The following ATP2B2 variants were observed in gnomAD, a reference collection of about 807,000 sequenced individuals.
ATP2B2 encodes ATPase plasma membrane Ca2+ transporting 2.
A neutral mutation model predicts 120.0 loss-of-function variants in ATP2B2; 15 were observed. The observed-to-expected ratio is 0.12, with a 90% CI of 0.08 to 0.19. ATP2B2 has a LOEUF of 0.19. Ranked by LOEUF, ATP2B2 falls within the 10% of genes least tolerant of loss-of-function variation. ATP2B2 has a pLI of 1.00. For missense variants in ATP2B2, 1,045 were observed against 1,719.8 expected (o/e 0.61, Z 6.94); for synonymous variants, 694 against 700.3 (o/e 0.99, Z 0.14).
In ATP2B2 at chr3:10,702,454, A is replaced by AT; in HGVS notation, c.-460+5460_-460+5461insA. On this transcript the variant is annotated intron_variant, in intron 1 of 21. Coordinates refer to the ATP2B2 transcript ENST00000646379. ...ATCGCTTTTATAGATGAGGAAACTG[A>AT]GACAGACAGAGCTGAAGCCACTTAC... is the stretch of plus-strand genomic sequence containing the variant. Among the ~76,000 whole-genome samples the AT allele has an allele frequency of 2.0e-5, 3 of 152,336 alleles. No homozygotes were observed. In the South Asian group the frequency reaches 6.2e-4, roughly 32 times the overall value.
chr3:10,616,190 C>T (rs545225548), intron 2 of ATP2B2, among the ~76,000 whole-genome samples: 3 of 152,160 alleles, frequency 2.0e-5, no homozygotes, highest in Non-Finnish European at 2.9e-5. Flanking sequence ...AATCCTAACA[C>T]CTGCCACTTC....
chr3:10,373,931 G>A (rs748496111), intron 11 of ATP2B2, among the ~76,000 whole-genome samples: 6 of 152,118 alleles, frequency 3.9e-5, no homozygotes, highest in Non-Finnish European at 8.8e-5. Context: ...TTTTTGGGCA[G>A]TGCTGATCTA....
chr3:10,373,464 C>T (rs141752827), intron 11 of ATP2B2, among the ~76,000 whole-genome samples: 1 of 152,220 alleles, frequency 6.6e-6, no homozygotes, highest in Non-Finnish European at 1.5e-5. Context: ...GTGACTACAC[C>T]TATAGGGTAC....
intron 2 of ATP2B2, among the ~76,000 whole-genome samples, chr3:10,442,714 C>G (rs2063710463): frequency 6.6e-6 from 1 of 152,146 alleles, no homozygotes; most frequent in Non-Finnish European, 1.5e-5. Context: ...GCCCATTGAT[C>G]TACCAAACAA....
chr3:10,388,217 A>C (rs903286898), intron 6 of ATP2B2, 60 bp downstream of exon 6: 3 of 1,608,708 alleles, frequency 1.9e-6, no homozygotes, highest in Non-Finnish European at 2.5e-6. Flanking sequence ...GAACAAATAA[A>C]CAAAAAAAAA....
intron 5 of ATP2B2, among the ~76,000 whole-genome samples, chr3:10,390,059 C>G (rs1397559371): frequency 1.3e-5 from 2 of 152,090 alleles, no homozygotes; most frequent in African/African-American, 4.8e-5. Context: ...GTATATGATG[C>G]AGGACACACT....
intron 2 of ATP2B2, among the ~76,000 whole-genome samples, chr3:10,610,888 G>A (rs921239511): frequency 2.0e-5 from 3 of 152,196 alleles, no homozygotes; most frequent in African/African-American, 7.2e-5. Flanking sequence ...CCAAGAGACT[G>A]TGTCAAGCCC....
At chr3:10,355,382 A>G (rs972745969) in intron 14 of ATP2B2, among the ~76,000 whole-genome samples, 2 of 152,088 alleles carry the variant, frequency 1.3e-5, no homozygotes, top group African/African-American at 4.8e-5. Flanking sequence ...TCCTATATAG[A>G]CATCCCAGGG....
At chr3:10,338,415 T>A in intron 21 of ATP2B2, 57 bp from the exon 22 acceptor site, 1 of 1,593,970 alleles carries the variant, frequency 6.3e-7, no homozygotes, top group East Asian at 2.2e-5. Flanking sequence ...TGGCCTTCTC[T>A]CCCTGACACC....
intron 12 of ATP2B2, among the ~76,000 whole-genome samples, 182 bp downstream of exon 12, chr3:10,371,623 CACAA>C (rs1009794637): frequency 6.6e-6 from 1 of 152,228 alleles, no homozygotes; most frequent in Non-Finnish European, 1.5e-5. Flanking sequence ...TTCTTTGTCA[CACAA>C]ACATTGTAGC....
chr3:10,487,969 C>T (rs2065758866), intron 1 of ATP2B2, among the ~76,000 whole-genome samples: 1 of 152,162 alleles, frequency 6.6e-6, no homozygotes, highest in South Asian at 2.1e-4. Flanking sequence ...ATATACATAT[C>T]TTCCTGCCCA....
At chr3:10,428,084 C>T (rs1430710439) in intron 2 of ATP2B2, among the ~76,000 whole-genome samples, 1 of 152,246 alleles carries the variant, frequency 6.6e-6, no homozygotes, top group African/African-American at 2.4e-5. Flanking sequence ...CATCCATTTG[C>T]CTTGATGCTG....
chr3:10,683,760 G>GTGTGTGTGTGTGTATATATA (rs1446781892), intron 1 of ATP2B2, among the ~76,000 whole-genome samples: 2 of 53,914 alleles, frequency 3.7e-5, no homozygotes, highest in East Asian at 9.6e-4. Context: ...GTGTGTGTGT[G>GTGTGTGTGTGTGTATATATA]TATATATATA....
chr3:10,539,045 A>G (rs2125491208), intron 2 of ATP2B2, among the ~76,000 whole-genome samples: 1 of 152,344 alleles, frequency 6.6e-6, no homozygotes, highest in Non-Finnish European at 1.5e-5. Context: ...ATACAAAATC[A>G]ATGTGCAAAA....
At chr3:10,562,631 C>G (rs1179695250) in intron 2 of ATP2B2, among the ~76,000 whole-genome samples, 2 of 152,178 alleles carry the variant, frequency 1.3e-5, no homozygotes, top group East Asian at 3.9e-4. Flanking sequence ...CCCAAACAGT[C>G]TTTTTCCTTC....
At chr3:10,493,985 T>A (rs901165082) in intron 1 of ATP2B2, among the ~76,000 whole-genome samples, 7 of 152,092 alleles carry the variant, frequency 4.6e-5, no homozygotes, top group Admixed American at 4.6e-4. Context: ...AAAAGCGGCA[T>A]GAAGGTGAAG....
At chr3:10,581,743 A>G (rs749701341) in intron 2 of ATP2B2, among the ~76,000 whole-genome samples, 10 of 152,236 alleles carry the variant, frequency 6.6e-5, no homozygotes, top group Non-Finnish European at 1.2e-4. Flanking sequence ...CCAAGGGCAC[A>G]ATCCATCTGA....
chr3:10,459,981 G>T (rs1006279843), intron 1 of ATP2B2, among the ~76,000 whole-genome samples: 1 of 152,204 alleles, frequency 6.6e-6, no homozygotes, highest in African/African-American at 2.4e-5. Context: ...TTTCCTTTCT[G>T]GTTTCTACAG....
chr3:10,527,452 C>G (rs2067120222), intron 3 of ATP2B2, among the ~76,000 whole-genome samples: 1 of 152,190 alleles, frequency 6.6e-6, no homozygotes, highest in South Asian at 2.1e-4. Context: ...CTCTTGTACT[C>G]TTTCACCGCC....
Sources: allele counts gnomAD v4.1 joint callset (sites outside exome capture counted in the v4.1 genomes callset), GRCh38; gene constraint gnomAD v4.1.1; transcripts MANE v1.5; gene names NCBI Gene and HGNC (gene_info 2026-07-23, HGNC 2026-07-21).